DNAH9: variants seen among roughly 807,000 people sequenced by gnomAD.
The protein encoded by DNAH9 is DNAH9 variant protein.
A neutral mutation model predicts 471.6 loss-of-function variants in DNAH9; 345 were observed. That is an observed-to-expected ratio of 0.73 (90% CI 0.67 to 0.80). DNAH9 has a LOEUF of 0.80. Among genes scored for constraint, DNAH9 ranks in the 30% least tolerant of loss-of-function variants. The pLI is 0.00. For missense variants in DNAH9, 5,407 were observed against 5,609.2 expected (o/e 0.96, Z 1.15); for synonymous variants, 2,093 against 2,123.6 (o/e 0.99, Z 0.40).
Position 11,623,456 on chromosome 17 carries a change from C to T in DNAH9, c.1350+3675C>T, listed in dbSNP as rs2072913516. ...ACGGCTACTCCTTGCCCCTTTTCCT[C>T]ATATTTCCTCCCCTCTTTTATTTTT... On this transcript the variant is annotated intron_variant, in intron 6 of 68. Transcript: ENST00000262442. The surrounding 1 kb of genome is among the most constrained non-coding windows in gnomAD (Gnocchi z 4.1). Among the ~76,000 whole-genome samples the T allele has an allele frequency of 6.6e-6, 1 of 152,052 alleles. No homozygotes were observed. The highest frequency in any genetic ancestry group is 2.1e-4 in the South Asian group (1 of 4,818).
At chr17:11,781,737 CAGG>C (rs1968673176) in intron 39 of DNAH9, among the ~76,000 whole-genome samples, 1 of 150,620 alleles carries the variant, frequency 6.6e-6, no homozygotes, top group African/African-American at 2.5e-5. Flanking sequence ...GAGGCTGAGG[CAGG>C]AGAATAGCTT....
At chr17:11,664,233 G>A (rs2073826420) in intron 14 of DNAH9, among the ~76,000 whole-genome samples, 1 of 151,962 alleles carries the variant, frequency 6.6e-6, no homozygotes, top group Admixed American at 6.6e-5. Flanking sequence ...AATAGGTCAA[G>A]AGTGTATCAT....
At chr17:11,743,152 T>TAGAG (rs576872592) in intron 30 of DNAH9, among the ~76,000 whole-genome samples, 39 of 152,300 alleles carry the variant, frequency 2.6e-4, no homozygotes, top group African/African-American at 8.9e-4. Context: ...AGCCCAAGCT[T>TAGAG]CCTTCTCCTG....
intron 28 of DNAH9, 153 bp downstream of exon 28, chr17:11,728,075 A>AG (rs1221564705): frequency 1.6e-6 from 1 of 611,830 alleles, no homozygotes; most frequent in Non-Finnish European, 3.0e-6. Context: ...ATCAGGCTCC[A>AG]GGGAAGCTGT....
chr17:11,669,679 G>A lies in DNAH9; in HGVS notation c.3238G>A (p.Val1080Met). The A allele has an allele frequency of 6.2e-7, 1 of 1,614,140 alleles. No individual in the cohort carries two copies. Among genetic ancestry groups the A allele is most frequent in the Non-Finnish European group, 8.5e-7 (1 of 1,180,008 alleles). Residue 1080 changes from valine (V) to methionine (M), a missense_variant, in exon 17 of 69, where the codon GTG (valine) becomes ATG (methionine). Physicochemically the swap from Val to Met is conservative, Grantham distance 21. Coordinates refer to ENST00000262442, the MANE Select transcript of DNAH9 (RefSeq NM_001372.4). ...EEVCRLEPIKVFDGWMKIDIR... is the reference protein window; with the variant it reads ...EEVCRLEPIKMFDGWMKIDIR... ...GGTGTGCAGGCTGGAACCCATCAAG[G>A]TGTTTGACGGCTGGATGAAAATTGA...
chr17:11,833,214 T>C (rs1970732815), intron 48 of DNAH9, among the ~76,000 whole-genome samples: 1 of 152,254 alleles, frequency 6.6e-6, no homozygotes, highest in Non-Finnish European at 1.5e-5. Flanking sequence ...CCAGGTGTCA[T>C]ATGACTTCAG....
In DNAH9 at chr17:11,769,173, C is replaced by G. The variant is rs777231005; in HGVS notation, c.7396C>G (p.Arg2466Gly). The part of the protein sequence containing the change: ...ETIRVCYFME[R>G]LMARQRPVML... ...CATCCGTGTGTGCTACTTCATGGAGCGGTTGATGGCGCGGCAGCGGCCTGT... is the reference window on the plus strand; with the variant it reads ...CATCCGTGTGTGCTACTTCATGGAGGGGTTGATGGCGCGGCAGCGGCCTGT... Residue 2466 changes from arginine to glycine, a missense_variant, in exon 38 of 69, where the codon CGG becomes GGG. By Grantham distance (125) the Arg-to-Gly change is moderately radical. This residue lies in a region of DNAH9 where 4,636 missense variants were observed against 4,900.3 expected (regional missense o/e 0.95). Transcript: ENST00000262442. 6.2e-7 allele frequency: 1 copy of G among 1,614,210 alleles called. No individual in the cohort carries two copies. The highest frequency in any genetic ancestry group is 8.5e-7 in the Non-Finnish European group (1 of 1,180,032).
At chr17:11,651,469 A>T (rs2073505175) in intron 13 of DNAH9, 145 bp downstream of exon 13, 2 of 790,166 alleles carry the variant, frequency 2.5e-6, no homozygotes, top group South Asian at 3.8e-5. Flanking sequence ...ATCCAAGCAG[A>T]GAAGGCAAGA....
chr17:11,885,795 G>T (rs1972860755), intron 56 of DNAH9, among the ~76,000 whole-genome samples: 1 of 152,016 alleles, frequency 6.6e-6, no homozygotes, highest in African/African-American at 2.4e-5. Flanking sequence ...TTTGGAAAGG[G>T]GCCTTCTGAT....
intron 5 of DNAH9, among the ~76,000 whole-genome samples, chr17:11,618,658 A>C (rs978673087): frequency 5.3e-5 from 8 of 152,188 alleles, no homozygotes; most frequent in Non-Finnish European, 1.2e-4. Context: ...TTTTCTTCTA[A>C]GGAGCTGTTC....
chr17:11,937,455 C>T lies in DNAH9; in HGVS notation c.12593C>T (p.Thr4198Ile). 6.2e-7 allele frequency: 1 copy of T among 1,614,122 alleles called. No homozygotes were observed. The highest frequency in any genetic ancestry group is 8.5e-7 in the Non-Finnish European group (1 of 1,179,980). The change falls in exon 66 of 69, where the codon ACT becomes ATT. Residue 4198 changes from threonine (T) to isoleucine (I), a missense_variant. This residue lies in a region of DNAH9 where 4,636 missense variants were observed against 4,900.3 expected (regional missense o/e 0.95). Coordinates refer to ENST00000262442, the MANE Select transcript of DNAH9 (RefSeq NM_001372.4). This position sits in a 1 kb window ranked among gnomAD's most constrained non-coding sequence, Gnocchi z 4.1. Reference protein sequence around the residue: ...LTQTSEKLFRTVLELQPRDSQ... With the variant: ...LTQTSEKLFRIVLELQPRDSQ... ...CAAACCTCAGAAAAGCTCTTCCGCA[C>T]TGTGCTGGAGCTGCAGCCTCGGGAC...
At chr17:11,789,835 T>C (rs1160400033) in intron 41 of DNAH9, among the ~76,000 whole-genome samples, 8 of 152,042 alleles carry the variant, frequency 5.3e-5, no homozygotes. Flanking sequence ...ACTATATAAA[T>C]TTATCTCTAA....
intron 29 of DNAH9, among the ~76,000 whole-genome samples, chr17:11,740,189 C>G (rs896579894): frequency 3.9e-5 from 6 of 152,182 alleles, no homozygotes; most frequent in Admixed American, 3.3e-4. Flanking sequence ...TTAAATAAGC[C>G]TTGTGTTACA....
chr17:11,662,833 G>T (rs1458884036), intron 14 of DNAH9, among the ~76,000 whole-genome samples: 1 of 125,248 alleles, frequency 8.0e-6, no homozygotes, highest in Non-Finnish European at 1.6e-5. Flanking sequence ...TCGGCTCACT[G>T]CAAGCTCCGC....
chr17:11,799,832 G>T (rs760887154), intron 43 of DNAH9, among the ~76,000 whole-genome samples: 1 of 152,088 alleles, frequency 6.6e-6, no homozygotes, highest in Non-Finnish European at 1.5e-5. Flanking sequence ...TGATCCACCC[G>T]CCTTGGACTC....
intron 41 of DNAH9, among the ~76,000 whole-genome samples, chr17:11,785,077 T>G (rs1352898283): frequency 6.6e-6 from 1 of 152,136 alleles, no homozygotes; most frequent in African/African-American, 2.4e-5. Context: ...TTTCAGATCT[T>G]TCCAACTGCT....
chr17:11,784,595 G>A (rs561447819), intron 41 of DNAH9, 56 bp downstream of exon 41: 90 of 1,608,936 alleles, frequency 5.6e-5, no homozygotes, highest in African/African-American at 4.7e-4. Context: ...CAGATGCTCC[G>A]ATTCTTCATA....
At chr17:11,858,054 C>T (rs1303916023) in intron 50 of DNAH9, among the ~76,000 whole-genome samples, 2 of 152,102 alleles carry the variant, frequency 1.3e-5, no homozygotes, top group Non-Finnish European at 2.9e-5. Flanking sequence ...TGGAAACACA[C>T]AAAAATGTTA....
chr17:11,662,728 T>C (rs62060828), intron 14 of DNAH9, among the ~76,000 whole-genome samples: 39,887 of 145,712 alleles, frequency 0.27, 6,680 homozygotes, highest in Middle Eastern at 0.39. Flanking sequence ...ATGGATCACC[T>C]TGATCCTGTT....
Sources: allele counts gnomAD v4.1 joint callset (sites outside exome capture counted in the v4.1 genomes callset), GRCh38; gene constraint gnomAD v4.1.1; regional missense constraint gnomAD v4.1.1; non-coding constraint Gnocchi (gnomAD v3.1); transcripts MANE v1.5; gene names NCBI Gene and HGNC (gene_info 2026-07-23, HGNC 2026-07-21).